The following DUSP10 variants were observed in gnomAD, a reference collection of about 807,000 sequenced individuals.
DUSP10 encodes the protein dual specificity phosphatase 10.
Under a neutral mutation model 30.8 loss-of-function variants are expected in DUSP10, and 14 were observed. The observed-to-expected ratio is 0.46, with a 90% CI of 0.30 to 0.71. The LOEUF is 0.71. DUSP10 is among the 30% of genes least tolerant of loss of function. DUSP10 has a pLI of 0.08. For missense variants in DUSP10, 550 were observed against 619.4 expected, an observed-to-expected ratio of 0.89 and a Z score of 1.19; for synonymous variants, 254 against 250.4, an observed-to-expected ratio of 1.01 and a Z score of -0.14.
intron 2 of DUSP10, among the ~76,000 whole-genome samples, chr1:221,732,660 T>C (rs1191006886): frequency 6.6e-6 from 1 of 152,232 alleles, no homozygotes; most frequent in African/African-American, 2.4e-5. Flanking sequence ...AAATTAATCA[T>C]GCATGTGACC....
intron 2 of DUSP10, among the ~76,000 whole-genome samples, chr1:221,732,466 C>G (rs1357165777): frequency 6.6e-6 from 1 of 152,080 alleles, no homozygotes; most frequent in Non-Finnish European, 1.5e-5. Context: ...CTTTTTAGTT[C>G]TGAACTGAAA....
chr1:221,709,631 C>T (rs1001635609), intron 2 of DUSP10, among the ~76,000 whole-genome samples: 4 of 152,116 alleles, frequency 2.6e-5, no homozygotes, highest in Non-Finnish European at 2.9e-5. Flanking sequence ...CTCTGTACTG[C>T]AGTTAAAAAC....
At chr1:221,737,309 T>C in intron 2 of DUSP10, 1 of 985,418 alleles carries the variant, frequency 1.0e-6, no homozygotes, top group South Asian at 4.7e-5. Context: ...GATCATTGGC[T>C]ATCCTCCTCT....
chr1:221,741,390 C>T (rs1661950491), intron 1 of DUSP10, among the ~76,000 whole-genome samples: 1 of 152,112 alleles, frequency 6.6e-6, no homozygotes, highest in Non-Finnish European at 1.5e-5. Flanking sequence ...GCTGGGACCC[C>T]CACCTCCACA....
intron 2 of DUSP10, chr1:221,737,410 G>C: frequency 2.0e-6 from 2 of 985,306 alleles, no homozygotes; most frequent in Non-Finnish European, 1.2e-6. Context: ...ATTATGGTAA[G>C]ACAATAGCAG....
intron 2 of DUSP10, among the ~76,000 whole-genome samples, chr1:221,724,041 A>G (rs1008666282): frequency 6.6e-6 from 1 of 152,222 alleles, no homozygotes; most frequent in African/African-American, 2.4e-5. Flanking sequence ...CTCATCATGC[A>G]TAACAAAGAC....
At chr1:221,719,146 G>C (rs6668004) in intron 2 of DUSP10, among the ~76,000 whole-genome samples, 3,188 of 152,314 alleles carry the variant, frequency 0.021, 121 homozygotes, top group African/African-American at 0.071. Flanking sequence ...CTCTGGCTTA[G>C]GGAATTCAGG....
In DUSP10 at chr1:221,741,950, C is replaced by T. The variant is rs559702228; in HGVS notation, c.-44+31G>A. On this transcript the variant is annotated intron_variant, in intron 1 of 3. Coordinates refer to ENST00000366899, the MANE Select transcript of DUSP10 (RefSeq NM_007207.6). ...AATCCTCCACCTCCAGTCCCGGGCT[C>T]TCAGGAGTAGTCGCGGTGACTTCCA... 31 of 152,606 alleles carry T rather than the reference C, an allele frequency of 2.0e-4. 1 individual carries two copies. The highest frequency in any genetic ancestry group is 6.5e-4 in the African/African-American group (27 of 41,572). 9.5% of individuals were successfully genotyped at this position (152,606 alleles called of 1,614,324 possible).
rs1178109442 is a variant in DUSP10 at position 221,739,370 on chromosome 1, G to A, written c.375C>T (p.Gly125=). ...NQMVNNNENT[G]SLSPSSGVGS... Reference sequence around the variant, plus strand: ...CCACCCCACTTGATGGACTTAGAGAGCCTGTATTCTCATTATTGTTGACCA... The same window carrying A: ...CCACCCCACTTGATGGACTTAGAGAACCTGTATTCTCATTATTGTTGACCA... The change falls in exon 2 of 4, where the codon GGC becomes GGT. Residue 125 remains glycine, a synonymous_variant. Coordinates refer to ENST00000366899, the MANE Select transcript of DUSP10 (RefSeq NM_007207.6). 1.9e-6 allele frequency: 3 copies of A among 1,614,110 alleles called. No homozygotes were observed. Among genetic ancestry groups the A allele is most frequent in the Non-Finnish European group, 1.7e-6 (2 of 1,180,004 alleles).
chr1:221,732,677 A>G (rs527830388), intron 2 of DUSP10, among the ~76,000 whole-genome samples: 2 of 152,330 alleles, frequency 1.3e-5, no homozygotes, highest in African/African-American at 2.4e-5. Context: ...GACCTTGGAC[A>G]AGCCCCATTC....
chr1:221,719,510 C>T (rs1661215760), intron 2 of DUSP10, among the ~76,000 whole-genome samples: 1 of 152,094 alleles, frequency 6.6e-6, no homozygotes, highest in African/African-American at 2.4e-5. Context: ...GGGTGACCAC[C>T]TTCTGAGATT....
intron 2 of DUSP10, among the ~76,000 whole-genome samples, chr1:221,728,184 G>T (rs1428267273): frequency 6.6e-6 from 1 of 152,212 alleles, no homozygotes; most frequent in African/African-American, 2.4e-5. Context: ...GCACTTCACA[G>T]CTTCCAGAAC....
chr1:221,705,364 G>A (rs1416648633), intron 3 of DUSP10, among the ~76,000 whole-genome samples: 1 of 152,130 alleles, frequency 6.6e-6, no homozygotes, highest in African/African-American at 2.4e-5. Context: ...ACCCGCCTCG[G>A]CCTCCCAATG....
chr1:221,739,885 C>A (rs551499920), intron 1 of DUSP10, 98 bp from the exon 2 acceptor site: 14 of 1,285,830 alleles, frequency 1.1e-5, no homozygotes, highest in Non-Finnish European at 1.4e-5. Context: ...TCCCTCTGAG[C>A]AAAGTCGTCC....
intron 2 of DUSP10, among the ~76,000 whole-genome samples, chr1:221,711,014 G>A (rs1013574731): frequency 6.6e-6 from 1 of 152,106 alleles, no homozygotes; most frequent in Non-Finnish European, 1.5e-5. Context: ...AAATGAGTAT[G>A]GTCAGTACAT....
chr1:221,723,141 T>C (rs1661324578), intron 2 of DUSP10, among the ~76,000 whole-genome samples: 1 of 152,156 alleles, frequency 6.6e-6, no homozygotes. Flanking sequence ...ACCGCTAACA[T>C]GATGCCAACT....
intron 3 of DUSP10, among the ~76,000 whole-genome samples, chr1:221,705,358 G>T (rs374233032): frequency 6.6e-6 from 1 of 152,212 alleles, no homozygotes; most frequent in African/African-American, 2.4e-5. Context: ...TGATCCACCC[G>T]CCTCGGCCTC....
At chr1:221,737,148 G>C (rs1661800099) in intron 2 of DUSP10, 3 of 985,414 alleles carry the variant, frequency 3.0e-6, no homozygotes, top group Non-Finnish European at 3.6e-6. Context: ...ATAGAGAGTA[G>C]GGTCTGCAAC....
chr1:221,706,555 A>G lies in DUSP10; in HGVS notation c.812-89T>C. 1 of 979,136 alleles carries G rather than the reference A, an allele frequency of 1.0e-6. No homozygotes were observed. Among genetic ancestry groups the G allele is most frequent in the Non-Finnish European group, 1.4e-6 (1 of 701,268 alleles). The allele number at this position is 979,136 out of a possible 1,614,324, so 60.7% of individuals were successfully genotyped here. On this transcript the variant is annotated intron_variant, in intron 2 of 3. Transcript: ENST00000366899. The surrounding 1 kb of genome is among the most constrained non-coding windows in gnomAD (Gnocchi z 4.6). ...CCCCATTAGAATGAGTTTGCATTGTAGCTCATGCATATTTTAAATACATAT... is the reference window on the plus strand; with the variant it reads ...CCCCATTAGAATGAGTTTGCATTGTGGCTCATGCATATTTTAAATACATAT...
Sources: gnomAD v4.1 joint callset for allele counts (sites outside exome capture counted in the v4.1 genomes callset) on GRCh38, gnomAD v4.1.1 for gene constraint, Gnocchi (gnomAD v3.1) non-coding constraint, MANE v1.5 for transcripts, NCBI Gene and HGNC (gene_info 2026-07-23, HGNC 2026-07-21) for gene names.